FBXL18: variants seen among roughly 807,000 people sequenced by gnomAD.
FBXL18 encodes the protein F-box and leucine rich repeat protein 18, also known as F-box/LRR-repeat protein 18.
Under a neutral mutation model 46.0 loss-of-function variants are expected in FBXL18, and 36 were observed. That is an observed-to-expected ratio of 0.78 (90% CI 0.60 to 1.03). The LOEUF is 1.03. Among genes scored for constraint, FBXL18 ranks in the 50% least tolerant of loss-of-function variants. FBXL18 has a pLI of 0.00. For synonymous variants in FBXL18, 557 were observed against 465.3 expected (o/e 1.20, Z -2.54); for missense variants, 977 against 1,004.1 (o/e 0.97, Z 0.36).
chr7:5,482,692 C>A (rs1452776767), intron 4 of FBXL18, among the ~76,000 whole-genome samples: 1 of 152,112 alleles, frequency 6.6e-6, no homozygotes, highest in East Asian at 1.9e-4. Flanking sequence ...AACAGGGACC[C>A]CTCCACAGTC....
At position 5,480,640 on chromosome 7, in the gene FBXL18, T is replaced by C. The variant is rs1173784693; in HGVS notation, c.*1135A>G. On this transcript the variant is annotated 3_prime_UTR_variant, in exon 5 of 5. Transcript: ENST00000382368. ...GTGCAATGGTGTGATCTCGGCTCAC[T>C]GCAACCTCCGCCTCCCAGGTTCAAA... 1 of 133,596 alleles carries C rather than the reference T, an allele frequency of 7.5e-6. No individual in the cohort carries two copies. The highest frequency in any genetic ancestry group is 1.5e-5 in the Non-Finnish European group (1 of 65,242). The allele number at this position is 133,596 out of a possible 1,614,324, so 8.3% of individuals were successfully genotyped here.
chr7:5,499,453 C>T (rs1217875566), intron 3 of FBXL18, among the ~76,000 whole-genome samples: 1 of 152,166 alleles, frequency 6.6e-6, no homozygotes, highest in Non-Finnish European at 1.5e-5. Context: ...CCTTGCCAGG[C>T]GTGGTGACTT....
At chr7:5,503,844 G>A (rs902933216) in intron 2 of FBXL18, among the ~76,000 whole-genome samples, 12 of 152,022 alleles carry the variant, frequency 7.9e-5, no homozygotes, top group African/African-American at 2.7e-4. Context: ...GCAGGCGCCT[G>A]TAATCCCAGC....
chr7:5,459,993 C>G (rs1783221660), intron 4 of FBXL18, among the ~76,000 whole-genome samples: 1 of 152,052 alleles, frequency 6.6e-6, no homozygotes, highest in South Asian at 2.1e-4. Flanking sequence ...GGCACAGTGG[C>G]TCGTGCCTGT....
In FBXL18 at chr7:5,468,960, G is replaced by T. The variant is rs571015307; in HGVS notation, c.2001-21117C>A. Among the ~76,000 whole-genome samples the T allele has an allele frequency of 3.4e-5, 5 of 148,312 alleles. No individual in the cohort carries two copies. The South Asian group carries it at 1.1e-3, about 33-fold the overall frequency. ...CTACTAGGTGTATAAAATTAATCCAGTCCCTTTGTTTTGGTGTGTGAATGT... is the reference window on the plus strand; with the variant it reads ...CTACTAGGTGTATAAAATTAATCCATTCCCTTTGTTTTGGTGTGTGAATGT... On this transcript the variant is annotated intron_variant and NMD_transcript_variant, in intron 4 of 6. Transcript: ENST00000415009.
Position 5,501,988 on chromosome 7 carries a change from C to G in FBXL18, c.281G>C (p.Arg94Pro). 1 of 1,606,786 alleles carries G rather than the reference C, an allele frequency of 6.2e-7. No individual in the cohort carries two copies. The highest frequency in any genetic ancestry group is 1.1e-5 in the South Asian group (1 of 89,572). ...AGCCATGCTCAGCTGCTGGATCTCC[C>G]GGCCGATCTCCTTCACCAGCTGCCT... ...KVRQLVKEIG[R>P]EIQQLSMAGC... Residue 94 changes from arginine to proline, a missense_variant, in exon 3 of 5, where the codon CGG becomes CCG. Coordinates refer to ENST00000382368, the MANE Select transcript of FBXL18 (RefSeq NM_024963.6).
chr7:5,509,718 A>AAAAAAAG (rs1330271302), intron 1 of FBXL18, among the ~76,000 whole-genome samples: 6 of 151,236 alleles, frequency 4.0e-5, no homozygotes, highest in African/African-American at 1.5e-4. Flanking sequence ...AAAAAAAAAA[A>AAAAAAAG]AGAGAAGTTT....
intron 4 of FBXL18, among the ~76,000 whole-genome samples, chr7:5,463,979 T>C (rs1434046394): frequency 6.6e-6 from 1 of 151,742 alleles, no homozygotes; most frequent in East Asian, 2.0e-4. Context: ...GACCTCATGA[T>C]CCACCCACCT....
At position 5,496,009 on chromosome 7, in the gene FBXL18, G is replaced by C. The variant is rs573180617; in HGVS notation, c.1781+4479C>G. 7.3e-6 allele frequency: 3 copies of C among 412,444 alleles called. No homozygotes were observed. The highest frequency in any genetic ancestry group is 1.8e-5 in the South Asian group (1 of 56,374). The allele number at this position is 412,444 out of a possible 1,614,324, so 25.5% of individuals were successfully genotyped here. On this transcript the variant is annotated intron_variant, in intron 3 of 4. Coordinates refer to ENST00000382368, the MANE Select transcript of FBXL18 (RefSeq NM_024963.6). The surrounding 1 kb of genome is among the most constrained non-coding windows in gnomAD (Gnocchi z 4.8). ...ACCCACAGAACCCGCAGGCCTCTCC[G>C]CGCCTTCTCCATGGCCCTGCTCCTG... is the stretch of plus-strand genomic sequence containing the variant.
chr7:5,466,735 C>G (rs940377810), intron 4 of FBXL18, among the ~76,000 whole-genome samples: 6 of 152,188 alleles, frequency 3.9e-5, no homozygotes, highest in African/African-American at 1.4e-4. Flanking sequence ...CACCGCCGTG[C>G]CACGACCCAG....
At chr7:5,484,437 T>C (rs1783724091) in intron 4 of FBXL18, among the ~76,000 whole-genome samples, 1 of 136,622 alleles carries the variant, frequency 7.3e-6, no homozygotes, top group Non-Finnish European at 1.5e-5. Context: ...GCCACTGCAC[T>C]CCAGCCTGGG....
At position 5,467,683 on chromosome 7, in the gene FBXL18, G is replaced by A. The variant is rs988896430; in HGVS notation, c.2001-19840C>T. On this transcript the variant is annotated intron_variant and NMD_transcript_variant, in intron 4 of 6. Coordinates refer to the FBXL18 transcript ENST00000415009. ...AAGGCCACACCTGATACACAGCTCC[G>A]CCTCTGGGGTCCTCAAAGTTCCTCC... is the stretch of plus-strand genomic sequence containing the variant. Among the ~76,000 whole-genome samples, 13 of 152,224 alleles carry A rather than the reference G, an allele frequency of 8.5e-5. No homozygotes were observed. In the South Asian group the frequency reaches 1.9e-3, roughly 22 times the overall value.
intron 4 of FBXL18, among the ~76,000 whole-genome samples, chr7:5,467,638 TCA>T (rs1367681437): frequency 2.0e-5 from 3 of 151,794 alleles, no homozygotes; most frequent in Admixed American, 1.3e-4. Context: ...GAGGGCCAGA[TCA>T]CGCCAGGGAA....
At chr7:5,472,986 C>T (rs892950361), downstream of FBXL18, among the ~76,000 whole-genome samples, 8 of 152,088 alleles carry the variant, frequency 5.3e-5, no homozygotes, top group African/African-American at 1.7e-4. Context: ...TGGGCTTCCT[C>T]GCTGCACACA....
In FBXL18 at chr7:5,501,552, G is replaced by A. The variant is rs377686011; in HGVS notation, c.717C>T (p.Pro239=). 6.2e-6 allele frequency: 10 copies of A among 1,613,804 alleles called. 1 individual carries two copies. The highest frequency in any genetic ancestry group is 2.2e-5 in the East Asian group (1 of 44,892). Residue 239 remains proline (P), a synonymous_variant, in exon 3 of 5, where the codon CCC becomes CCT. Coordinates refer to ENST00000382368, the MANE Select transcript of FBXL18 (RefSeq NM_024963.6). ...NLRVFYARLA[P]GYINQEVVRL... Reference sequence around the variant, plus strand: ...GCACCACCTCCTGGTTGATGTAGCCGGGGGCCAGGCGCGCATAGAAGACCC... The same window carrying A: ...GCACCACCTCCTGGTTGATGTAGCCAGGGGCCAGGCGCGCATAGAAGACCC...
chr7:5,501,226 A>C lies in FBXL18; in HGVS notation c.1043T>G (p.Leu348Trp), dbSNP rs932848842. The change falls in exon 3 of 5, where the codon TTG becomes TGG. Residue 348 changes from leucine to tryptophan, a missense_variant. Coordinates refer to ENST00000382368, the MANE Select transcript of FBXL18 (RefSeq NM_024963.6). Reference protein sequence around the residue: ...GGKDLRSLASLNLSGCVHCLS... With the variant: ...GGKDLRSLASWNLSGCVHCLS... Reference sequence around the variant, plus strand: ...GCAGTGGACGCAGCCGCTGAGGTTCAAGCTGGCCAGGCTCCGCAGGTCCTT... The same window carrying C: ...GCAGTGGACGCAGCCGCTGAGGTTCCAGCTGGCCAGGCTCCGCAGGTCCTT... 1 of 1,613,504 alleles carries C rather than the reference A, an allele frequency of 6.2e-7. No individual in the cohort carries two copies.
At position 5,480,943 on chromosome 7, in the gene FBXL18, T is replaced by A. The variant is rs2128233689; in HGVS notation, c.*832A>T. The stretch of plus-strand genomic sequence containing the variant: ...TCCAGCCTTAAGAATCCTTTCTGGG[T>A]TTTAATGTTTCGCGTTATTCTAACA... On this transcript the variant is annotated 3_prime_UTR_variant, in exon 5 of 5. Transcript: ENST00000382368. The A allele has an allele frequency of 6.6e-6, 1 of 151,880 alleles. No homozygotes were observed. Among genetic ancestry groups the A allele is most frequent in the East Asian group, 1.9e-4 (1 of 5,156 alleles). 9.4% of individuals were successfully genotyped at this position (151,880 alleles called of 1,614,324 possible).
intron 2 of FBXL18, 96 bp downstream of exon 2, chr7:5,505,316 T>C: frequency 8.5e-7 from 1 of 1,173,934 alleles, no homozygotes; most frequent in Non-Finnish European, 1.2e-6. Flanking sequence ...CTGCCACCTT[T>C]ATATCAGCAC....
At chr7:5,497,171 C>T (rs1410534628) in intron 3 of FBXL18, among the ~76,000 whole-genome samples, 1 of 151,920 alleles carries the variant, frequency 6.6e-6, no homozygotes, top group East Asian at 1.9e-4. Flanking sequence ...CACTGCACTC[C>T]GGTCTGGGAG....
Sources: gnomAD v4.1 joint callset for allele counts (sites outside exome capture counted in the v4.1 genomes callset) on GRCh38, gnomAD v4.1.1 for gene constraint, Gnocchi (gnomAD v3.1) non-coding constraint, MANE v1.5 for transcripts, NCBI Gene and HGNC (gene_info 2026-07-23, HGNC 2026-07-21) for gene names.